Variants in BRD10 observed in about 807,000 individuals in gnomAD.
BRD10 encodes bromodomain containing 10, also known as uncharacterized bromodomain-containing protein 10.
the BRD10 span, chr9:5,922,247 C>T: frequency 6.3e-5 from 101 of 1,613,846 alleles, no homozygotes; most frequent in Non-Finnish European, 8.3e-5. Context: ...GTTGAAGGAA[C>T]TACCAGGATT....
At chr9:5,881,229 G>C in the BRD10 span, among the ~76,000 whole-genome samples, 1 of 152,168 alleles carries the variant, frequency 6.6e-6, no homozygotes, top group Non-Finnish European at 1.5e-5. Flanking sequence ...ATTTATGGGA[G>C]AGTCAAATGC....
At chr9:6,007,326 G>T in the BRD10 span, 1 of 1,613,806 alleles carries the variant, frequency 6.2e-7, no homozygotes, top group South Asian at 1.1e-5. Context: ...CGAACTCGGT[G>T]ATGCCCCCGT....
chr9:5,990,861 AC>A, the BRD10 span, among the ~76,000 whole-genome samples: 1 of 152,186 alleles, frequency 6.6e-6, no homozygotes, highest in Non-Finnish European at 1.5e-5. Flanking sequence ...ATATCCTTTG[AC>A]CCACCATGCT....
At chr9:5,976,867 C>A in the BRD10 span, among the ~76,000 whole-genome samples, 1 of 151,686 alleles carries the variant, frequency 6.6e-6, no homozygotes, top group Non-Finnish European at 1.5e-5. Context: ...AAGAGTGTTA[C>A]ATGTTCTGCA....
chr9:5,903,776 C>A, the BRD10 span, among the ~76,000 whole-genome samples: 3 of 152,160 alleles, frequency 2.0e-5, no homozygotes, highest in Non-Finnish European at 4.4e-5. Flanking sequence ...TGATAACTTT[C>A]CTTGAAATCT....
the BRD10 span, among the ~76,000 whole-genome samples, chr9:5,894,107 C>A: frequency 1.3e-5 from 2 of 152,086 alleles, no homozygotes; most frequent in Non-Finnish European, 2.9e-5. The surrounding 1 kb of genome is among the most constrained non-coding windows in gnomAD (Gnocchi z 4.0). Context: ...ACAATCCCAT[C>A]CGACGAGAGG....
chr9:5,932,878 A>T, the BRD10 span, among the ~76,000 whole-genome samples: 1 of 152,206 alleles, frequency 6.6e-6, no homozygotes, highest in Non-Finnish European at 1.5e-5. Context: ...TATTATAAGA[A>T]TTAAAATCTC....
At chr9:5,966,974 GATACATTAT>G in the BRD10 span, among the ~76,000 whole-genome samples, 2 of 152,034 alleles carry the variant, frequency 1.3e-5, no homozygotes, top group African/African-American at 4.8e-5. Context: ...CTTTATCAAT[GATACATTAT>G]ATACATGTTT....
the BRD10 span, chr9:6,007,149 T>A: frequency 1.3e-6 from 2 of 1,560,966 alleles, no homozygotes; most frequent in Non-Finnish European, 1.8e-6. Context: ...TGTGAGTGTG[T>A]GTTTGTGTCA....
the BRD10 span, among the ~76,000 whole-genome samples, chr9:5,994,085 T>G: frequency 1.3e-5 from 2 of 152,186 alleles, no homozygotes; most frequent in Non-Finnish European, 2.9e-5. Flanking sequence ...GCCTTTCAAA[T>G]AGCTCTACAG....
chr9:5,928,858 G>GGA, the BRD10 span, among the ~76,000 whole-genome samples: 13 of 151,974 alleles, frequency 8.6e-5, no homozygotes, highest in Non-Finnish European at 1.5e-4. Flanking sequence ...GTCACAGAGT[G>GGA]GAGACTTTGT....
At chr9:5,996,425 T>C in the BRD10 span, among the ~76,000 whole-genome samples, 1 of 152,144 alleles carries the variant, frequency 6.6e-6, no homozygotes, top group East Asian at 1.9e-4. Flanking sequence ...TTCAAGCAAT[T>C]CTTGTGCCTC....
At chr9:5,943,556 A>C in the BRD10 span, among the ~76,000 whole-genome samples, 2 of 151,926 alleles carry the variant, frequency 1.3e-5, no homozygotes, top group East Asian at 1.9e-4. Flanking sequence ...AAAAAAAAAA[A>C]AAAACCCTCT....
At chr9:5,968,260 G>A in the BRD10 span, 1 of 1,612,302 alleles carries the variant, frequency 6.2e-7, no homozygotes, top group Non-Finnish European at 8.5e-7. Flanking sequence ...TTACAACTTT[G>A]TGGCAGTTAA....
the BRD10 span, chr9:5,923,068 T>G: frequency 1.0e-4 from 162 of 1,614,038 alleles, 5 homozygotes; most frequent in East Asian, 7.4e-4. Flanking sequence ...TATGCTTTGA[T>G]TCACTGAAAC....
chr9:5,930,548 G>T, the BRD10 span, among the ~76,000 whole-genome samples: 1 of 151,986 alleles, frequency 6.6e-6, no homozygotes. Context: ...TATCTTAGAA[G>T]AGGAATTGCT....
the BRD10 span, chr9:5,969,552 T>C: frequency 1.4e-6 from 1 of 734,972 alleles, no homozygotes; most frequent in Non-Finnish European, 2.1e-6. Flanking sequence ...TTTTATTTAT[T>C]TATTTATTTG....
chr9:5,906,461 A>C, the BRD10 span, among the ~76,000 whole-genome samples: 8 of 152,218 alleles, frequency 5.3e-5, no homozygotes, highest in African/African-American at 1.7e-4. Context: ...TTCTCTAAAG[A>C]ACTTCAAAAG....
the BRD10 span, chr9:5,954,129 C>T: frequency 8.2e-5 from 96 of 1,164,250 alleles, no homozygotes; most frequent in Non-Finnish European, 1.1e-4. Flanking sequence ...CTTCATAATG[C>T]TGTTTATAGC....
Sources: allele counts gnomAD v4.1 joint callset (sites outside exome capture counted in the v4.1 genomes callset), GRCh38; gene constraint gnomAD v4.1.1; non-coding constraint Gnocchi (gnomAD v3.1); transcripts MANE v1.5; gene names NCBI Gene and HGNC (gene_info 2026-07-23, HGNC 2026-07-21).